Variants in ACACA observed in about 807,000 individuals in gnomAD.
ACACA encodes the protein acetyl-CoA carboxylase alpha.
A neutral mutation model predicts 296.1 loss-of-function variants in ACACA; 103 were observed. The observed-to-expected ratio is 0.35, with a 90% CI of 0.30 to 0.41. The LOEUF is 0.41. Ranked by LOEUF, ACACA falls within the 10% of genes least tolerant of loss-of-function variation. ACACA has a pLI of 1.00. For synonymous variants in ACACA, 953 were observed against 1,038.6 expected (o/e 0.92, Z 1.58); for missense variants, 1,554 against 2,989.7 (o/e 0.52, Z 11.20).
intron 1 of ACACA, among the ~76,000 whole-genome samples, chr17:37,378,946 A>G (rs2050125004): frequency 6.6e-6 from 1 of 151,974 alleles, no homozygotes; most frequent in Admixed American, 6.6e-5. Flanking sequence ...CTGTAGTCCC[A>G]TAGTCACAGC....
intron 42 of ACACA, among the ~76,000 whole-genome samples, chr17:37,157,243 G>GTTT (rs2144310400): frequency 6.6e-6 from 1 of 152,298 alleles, no homozygotes; most frequent in South Asian, 2.1e-4. Context: ...GGATATCTGA[G>GTTT]GAAAAAGCAT....
chr17:37,123,545 G>A (rs1343769868), intron 48 of ACACA, among the ~76,000 whole-genome samples: 1 of 152,164 alleles, frequency 6.6e-6, no homozygotes, highest in Non-Finnish European at 1.5e-5. Flanking sequence ...ATGGGTTATA[G>A]TCTCTCATTT....
intron 11 of ACACA, 136 bp downstream of exon 11, chr17:37,263,548 TC>T: frequency 1.3e-6 from 1 of 779,396 alleles, no homozygotes; most frequent in South Asian, 1.7e-5. Flanking sequence ...GAATTTTTTT[TC>T]TCTAAGAAAA....
At chr17:37,390,761 C>A (rs2050846960) in intron 1 of ACACA, among the ~76,000 whole-genome samples, 2 of 150,630 alleles carry the variant, frequency 1.3e-5, no homozygotes, top group South Asian at 4.2e-4. Flanking sequence ...CCACTGCACT[C>A]CAGCCTGGGA....
At chr17:37,103,659 T>C (rs2073494414) in intron 52 of ACACA, among the ~76,000 whole-genome samples, 1 of 152,054 alleles carries the variant, frequency 6.6e-6, no homozygotes, top group Non-Finnish European at 1.5e-5. Flanking sequence ...GAGGACTGCC[T>C]GAAGCCAGGA....
In ACACA at chr17:37,226,447, C is replaced by T. The variant is rs372356309; in HGVS notation, c.3252G>A (p.Gln1084=). 1.2e-6 allele frequency: 2 copies of T among 1,612,728 alleles called. No individual in the cohort carries two copies. Among genetic ancestry groups the T allele is most frequent in the South Asian group, 2.2e-5 (2 of 91,046 alleles). ...TGAGAGTAGGGTCCCGGCCACACAA[C>T]TGATCCTAATTGTTAATGTAAAAAA... The part of the protein sequence containing the change: ...KNLLVTMLID[Q]LCGRDPTLTD... Residue 1084 remains glutamine, a synonymous_variant, in exon 26 of 56, where the codon CAG becomes CAA. Transcript: ENST00000616317.
intron 45 of ACACA, 52 bp from the exon 46 acceptor site, chr17:37,130,270 T>A: frequency 6.2e-7 from 1 of 1,607,932 alleles, no homozygotes; most frequent in Non-Finnish European, 8.5e-7. Flanking sequence ...AATAAAGGCA[T>A]GGTCGATTTC....
intron 5 of ACACA, among the ~76,000 whole-genome samples, 188 bp downstream of exon 5, chr17:37,283,079 T>C (rs2082617596): frequency 6.6e-6 from 1 of 152,240 alleles, no homozygotes; most frequent in Non-Finnish European, 1.5e-5. Context: ...TGTATTGAGG[T>C]TGACTATAGT....
chr17:37,179,444 A>C, intron 40 of ACACA, 38 bp from the exon 41 acceptor site: 1 of 1,607,340 alleles, frequency 6.2e-7, no homozygotes, highest in Non-Finnish European at 8.5e-7. Context: ...CAGTCACAAT[A>C]ATTTCAATAT....
intron 41 of ACACA, among the ~76,000 whole-genome samples, chr17:37,175,399 C>T (rs1210347187): frequency 2.6e-5 from 4 of 152,198 alleles, no homozygotes; most frequent in Non-Finnish European, 5.9e-5. Context: ...TCCCCACCTG[C>T]AATTATAGCT....
chr17:37,125,331 T>C (rs2074728330), intron 48 of ACACA, among the ~76,000 whole-genome samples: 1 of 152,154 alleles, frequency 6.6e-6, no homozygotes, highest in African/African-American at 2.4e-5. Context: ...GAAAAGCAGA[T>C]GAGTCTCTGA....
intron 50 of ACACA, among the ~76,000 whole-genome samples, chr17:37,119,883 TTTTC>T (rs200239208): frequency 0.011 from 1,687 of 147,084 alleles, 32 homozygotes; most frequent in African/African-American, 0.04. Context: ...TTTCTTTTCT[TTTTC>T]TTTCTTTCTT....
intron 3 of ACACA, among the ~76,000 whole-genome samples, chr17:37,296,433 G>T (rs2083334395): frequency 6.6e-6 from 1 of 150,902 alleles, no homozygotes; most frequent in Admixed American, 6.6e-5. Context: ...AGCCTCCAGA[G>T]TAGCTGGGAC....
At chr17:37,255,364 G>A (rs1205280758) in intron 14 of ACACA, among the ~76,000 whole-genome samples, 1 of 152,158 alleles carries the variant, frequency 6.6e-6, no homozygotes, top group African/African-American at 2.4e-5. Flanking sequence ...CTGAGATATA[G>A]ACCTAATGAA....
chr17:37,264,170 C>T (rs1015213251), intron 10 of ACACA, among the ~76,000 whole-genome samples: 1 of 152,124 alleles, frequency 6.6e-6, no homozygotes, highest in Non-Finnish European at 1.5e-5. Context: ...TATTTGAAAA[C>T]ATAGGCACAT....
chr17:37,223,757 G>A (rs2079404014), intron 27 of ACACA, among the ~76,000 whole-genome samples, 156 bp from the exon 28 acceptor site: 1 of 152,166 alleles, frequency 6.6e-6, no homozygotes, highest in Non-Finnish European at 1.5e-5. Flanking sequence ...ACAAAATGGA[G>A]AAAATAAAAT....
At chr17:37,324,258 G>A (rs1037253328) in intron 3 of ACACA, among the ~76,000 whole-genome samples, 1 of 151,030 alleles carries the variant, frequency 6.6e-6, no homozygotes, top group Non-Finnish European at 1.5e-5. Flanking sequence ...CCCAGCTACT[G>A]GGGAGGCTGA....
Position 37,263,871 on chromosome 17 carries a change from A to G in ACACA, c.1143T>C (p.Ser381=). Reference sequence around the variant, plus strand: ...TGGCTAGTCTCATCACAAATATGGGAGATCCAGGAACTTCAGCTTGAACCT... The same window carrying G: ...TGGCTAGTCTCATCACAAATATGGGGGATCCAGGAACTTCAGCTTGAACCT... ...FRQVQAEVPG[S]PIFVMRLAKQ... The change falls in exon 11 of 56, where the codon TCT becomes TCC. Residue 381 remains serine, a synonymous_variant. Coordinates refer to ENST00000616317, the MANE Select transcript of ACACA (RefSeq NM_198834.3). 1 of 1,614,014 alleles carries G rather than the reference A, an allele frequency of 6.2e-7. No homozygotes were observed. Among genetic ancestry groups the G allele is most frequent in the Non-Finnish European group, 8.5e-7 (1 of 1,179,984 alleles).
chr17:37,127,490 G>GA (rs1211938501), intron 47 of ACACA, among the ~76,000 whole-genome samples: 1 of 152,076 alleles, frequency 6.6e-6, no homozygotes, highest in Admixed American at 6.5e-5. Context: ...TATTTCCCAG[G>GA]AAAAAACTCA....
Sources: gnomAD v4.1 joint callset for allele counts (sites outside exome capture counted in the v4.1 genomes callset) on GRCh38, gnomAD v4.1.1 for gene constraint, MANE v1.5 for transcripts, NCBI Gene and HGNC (gene_info 2026-07-23, HGNC 2026-07-21) for gene names.